NEO1: variants seen among roughly 807,000 people sequenced by gnomAD.
NEO1 encodes the protein neogenin.
A neutral mutation model predicts 159.7 loss-of-function variants in NEO1; 63 were observed. The observed-to-expected ratio is 0.39, with a 90% CI of 0.32 to 0.49. The LOEUF (loss-of-function observed/expected upper bound fraction) is 0.49. NEO1 is among the 20% of genes least tolerant of loss of function. NEO1 has a pLI of 0.85. For synonymous variants in NEO1, 633 were observed against 662.0 expected (o/e 0.96, Z 0.67); for missense variants, 1,615 against 1,831.0 (o/e 0.88, Z 2.15).
chr15:73,253,541 CA>C, intron 12 of NEO1, 92 bp downstream of exon 12: 1 of 812,396 alleles, frequency 1.2e-6, no homozygotes, highest in Non-Finnish European at 1.9e-6. Context: ...AGGAAAGCAT[CA>C]AAATAAATGA....
At chr15:73,053,849 T>A (rs766672102) in intron 1 of NEO1, among the ~76,000 whole-genome samples, 2 of 152,258 alleles carry the variant, frequency 1.3e-5, no homozygotes, top group Non-Finnish European at 2.9e-5. Flanking sequence ...GAAAGCAGTC[T>A]TACCGCTGAA....
chr15:73,288,594 T>C (rs2042039619), intron 24 of NEO1, 43 bp downstream of exon 24: 4 of 1,523,642 alleles, frequency 2.6e-6, no homozygotes, highest in Non-Finnish European at 2.7e-6. Context: ...GTTAGGAAAC[T>C]ATTTTCATTT....
intron 1 of NEO1, among the ~76,000 whole-genome samples, chr15:73,063,577 T>C (rs181136645): frequency 4.4e-4 from 67 of 152,280 alleles, no homozygotes; most frequent in Non-Finnish European, 2.2e-4. Context: ...TTCTTAAGAC[T>C]TGAGCTGATT....
intron 7 of NEO1, among the ~76,000 whole-genome samples, chr15:73,220,378 A>G (rs974082179): frequency 2.0e-5 from 3 of 151,634 alleles, no homozygotes; most frequent in African/African-American, 4.8e-5. Context: ...CTTCATTTCA[A>G]CTTTGGTGAA....
intron 7 of NEO1, among the ~76,000 whole-genome samples, chr15:73,230,710 C>G (rs767498561): frequency 6.6e-6 from 1 of 152,194 alleles, no homozygotes; most frequent in Admixed American, 6.5e-5. Flanking sequence ...CCTGCCTCAG[C>G]TTCTCAAGTA....
intron 1 of NEO1, among the ~76,000 whole-genome samples, chr15:73,112,455 A>C (rs1218612812): frequency 2.0e-5 from 3 of 152,144 alleles, no homozygotes; most frequent in Non-Finnish European, 2.9e-5. Context: ...AATAAAGTAA[A>C]ACATGCCTCT....
chr15:73,133,957 A>G (rs11072403), intron 4 of NEO1, among the ~76,000 whole-genome samples: 46,903 of 152,092 alleles, frequency 0.31, 8,623 homozygotes, highest in Admixed American at 0.44. Flanking sequence ...ATTATTAGAT[A>G]TAAATTACTG....
intron 1 of NEO1, among the ~76,000 whole-genome samples, chr15:73,105,084 T>G (rs1181606732): frequency 6.6e-6 from 1 of 152,180 alleles, no homozygotes; most frequent in Non-Finnish European, 1.5e-5. Flanking sequence ...ATGAAAATAT[T>G]TTATTAAATT....
At chr15:73,118,007 A>G (rs1040206299) in intron 2 of NEO1, among the ~76,000 whole-genome samples, 1 of 151,976 alleles carries the variant, frequency 6.6e-6, no homozygotes, top group Non-Finnish European at 1.5e-5. Flanking sequence ...TCATAAATAA[A>G]TTAGTATAAT....
chr15:73,303,488 G>GT lies in NEO1; in HGVS notation c.*793dup, dbSNP rs1184610522. The GT allele has an allele frequency of 6.6e-6, 1 of 151,822 alleles. No homozygotes were observed. The highest frequency in any genetic ancestry group is 1.9e-4 in the East Asian group (1 of 5,186). The allele number at this position is 151,822 out of a possible 1,614,324, so 9.4% of individuals were successfully genotyped here. The stretch of plus-strand genomic sequence containing the variant: ...CTGTGCAGTTTCAGTATTGGGGCGG[G>GT]TGGGGGGCTGGGGGTTGGTAATAGG... On this transcript the variant is annotated 3_prime_UTR_variant, in exon 29 of 29. Transcript: ENST00000261908.
chr15:73,208,609 C>G (rs2037370750), intron 7 of NEO1, among the ~76,000 whole-genome samples: 1 of 152,154 alleles, frequency 6.6e-6, no homozygotes, highest in Admixed American at 6.5e-5. Flanking sequence ...TGCCTGTAAT[C>G]CCAGCACTTT....
At position 73,244,433 on chromosome 15, in the gene NEO1, T is replaced by C. The variant is rs2039649670; in HGVS notation, c.1541T>C (p.Met514Thr). Residue 514 changes from methionine (M) to threonine (T), a missense_variant, in exon 9 of 29, where the codon ATG becomes ACG. Around this residue, in one of 3 missense-constraint regions of NEO1, gnomAD observed 1,018 missense variants for 1,115.4 expected, o/e 0.91. Transcript: ENST00000261908. ...GCGACCGTGTACATCTTTAGAGTTA[T>C]GGCTCAAAATAAGCATGGCTCAGGA... ...MPATVYIFRV[M>T]AQNKHGSGES... 1.2e-6 allele frequency: 2 copies of C among 1,614,072 alleles called. No individual in the cohort carries two copies. Among genetic ancestry groups the C allele is most frequent in the Non-Finnish European group, 1.7e-6 (2 of 1,179,956 alleles).
chr15:73,119,158 C>T (rs1435267664), intron 2 of NEO1, among the ~76,000 whole-genome samples: 1 of 152,010 alleles, frequency 6.6e-6, no homozygotes, highest in African/African-American at 2.4e-5. Flanking sequence ...GATTTCTTCC[C>T]GGAATGATGA....
intron 1 of NEO1, among the ~76,000 whole-genome samples, chr15:73,090,340 G>A (rs752364734): frequency 6.6e-6 from 1 of 152,000 alleles, no homozygotes; most frequent in Non-Finnish European, 1.5e-5. Flanking sequence ...TACTACAGGC[G>A]CATGCTGCCA....
intron 6 of NEO1, among the ~76,000 whole-genome samples, chr15:73,177,216 A>G (rs1252148073): frequency 6.6e-6 from 1 of 152,134 alleles, no homozygotes; most frequent in Non-Finnish European, 1.5e-5. Flanking sequence ...TACTATTATC[A>G]TCAATATCTA....
intron 7 of NEO1, among the ~76,000 whole-genome samples, chr15:73,190,478 G>A (rs2036179612): frequency 6.6e-6 from 1 of 152,122 alleles, no homozygotes; most frequent in African/African-American, 2.4e-5. Flanking sequence ...TACACACTGA[G>A]CATCCCCCAC....
At chr15:73,284,675 T>A (rs550252760) in intron 23 of NEO1, among the ~76,000 whole-genome samples, 1 of 148,666 alleles carries the variant, frequency 6.7e-6, no homozygotes, top group South Asian at 2.2e-4. Context: ...AACCTCTGCC[T>A]CCTGGATTCA....
At chr15:73,166,184 C>T (rs1436594088) in intron 5 of NEO1, among the ~76,000 whole-genome samples, 1 of 152,278 alleles carries the variant, frequency 6.6e-6, no homozygotes, top group South Asian at 2.1e-4. Context: ...ATAGTGGCTT[C>T]TCTCTAAAAA....
chr15:73,273,498 A>G (rs113689854), intron 19 of NEO1, among the ~76,000 whole-genome samples: 233 of 152,314 alleles, frequency 1.5e-3, no homozygotes, highest in African/African-American at 5.3e-3. Flanking sequence ...GCTGTGGGTC[A>G]GATAGATTCA....
Sources: gnomAD v4.1 joint callset for allele counts (sites outside exome capture counted in the v4.1 genomes callset) on GRCh38, gnomAD v4.1.1 for gene constraint, gnomAD v4.1.1 regional missense constraint, MANE v1.5 for transcripts, NCBI Gene and HGNC (gene_info 2026-07-23, HGNC 2026-07-21) for gene names.